The following PLA2G7 variants were observed in gnomAD, a reference collection of about 807,000 sequenced individuals.
PLA2G7 encodes the protein platelet-activating factor acetylhydrolase.
In PLA2G7, 63 loss-of-function variants were observed where a neutral mutation model predicts 49.6. That is an observed-to-expected ratio of 1.27 (90% CI 1.04 to 1.57). The LOEUF is 1.57. PLA2G7 is among the 40% of genes most tolerant of loss of function. The pLI is 0.00. For synonymous variants in PLA2G7, 193 were observed against 169.9 expected (o/e 1.14, Z -1.06); for missense variants, 596 against 521.2 (o/e 1.14, Z -1.40).
chr6:46,711,353 G>T, intron 7 of PLA2G7, 143 bp downstream of exon 7: 1 of 942,198 alleles, frequency 1.1e-6, no homozygotes, highest in Non-Finnish European at 1.7e-6. Flanking sequence ...TACTGCTCCA[G>T]GAATCTATTG....
intron 3 of PLA2G7, 28 bp from the exon 4 acceptor site, chr6:46,716,556 T>C (rs1214408351): frequency 5.0e-6 from 8 of 1,610,940 alleles, no homozygotes; most frequent in Non-Finnish European, 6.8e-6. Flanking sequence ...AATGCACTTT[T>C]AGAGAAGTTG....
chr6:46,726,541 G>A (rs568711388), intron 1 of PLA2G7, among the ~76,000 whole-genome samples: 54 of 152,220 alleles, frequency 3.5e-4, no homozygotes, highest in South Asian at 1.5e-3. Flanking sequence ...CTTAGAACTA[G>A]AGAATCCAAC....
At chr6:46,723,586 T>C (rs1765473161) in intron 1 of PLA2G7, among the ~76,000 whole-genome samples, 1 of 152,228 alleles carries the variant, frequency 6.6e-6, no homozygotes, top group Non-Finnish European at 1.5e-5. Flanking sequence ...AATTAGTCTG[T>C]ATGCTAACAT....
intron 9 of PLA2G7, 73 bp from the exon 10 acceptor site, chr6:46,708,234 T>A: frequency 8.7e-7 from 1 of 1,153,008 alleles, no homozygotes; most frequent in Non-Finnish European, 1.3e-6. Flanking sequence ...ATCCTAATAA[T>A]GCTAGGATTG....
At chr6:46,706,041 C>T (rs976293108) in intron 10 of PLA2G7, among the ~76,000 whole-genome samples, 2 of 152,200 alleles carry the variant, frequency 1.3e-5, no homozygotes, top group Non-Finnish European at 2.9e-5. Context: ...TACTGGCAGA[C>T]CAACTCTTTT....
chr6:46,709,354 T>C lies in PLA2G7; in HGVS notation c.842A>G (p.Gln281Arg), dbSNP rs201256712. The stretch of plus-strand genomic sequence containing the variant: ...GAATCTCTGATCTTCACTAAGAGTC[T>C]GAATAACCGTTGCTCCACCAAAAGA... ...GHSFGGATVI[Q>R]TLSEDQRFRC... The change falls in exon 9 of 12, where the codon CAG becomes CGG. Residue 281 changes from glutamine to arginine, a missense_variant. Transcript: ENST00000274793. 148 of 1,603,760 alleles carry C rather than the reference T, an allele frequency of 9.2e-5. No homozygotes were observed. The East Asian group carries it at 3.3e-3, about 35-fold the overall frequency.
At chr6:46,722,502 G>A (rs1197788816) in intron 2 of PLA2G7, among the ~76,000 whole-genome samples, 1 of 152,116 alleles carries the variant, frequency 6.6e-6, no homozygotes, top group Non-Finnish European at 1.5e-5. Flanking sequence ...GCATTAAGGA[G>A]GTTCTCCGTG....
chr6:46,713,146 C>T (rs55803739), intron 5 of PLA2G7, among the ~76,000 whole-genome samples: 5 of 152,196 alleles, frequency 3.3e-5, no homozygotes, highest in African/African-American at 1.2e-4. Context: ...AAATCATGTG[C>T]TAAGCACTGC....
chr6:46,720,076 T>C (rs1477784715), intron 2 of PLA2G7, among the ~76,000 whole-genome samples: 11 of 152,222 alleles, frequency 7.2e-5, no homozygotes, highest in South Asian at 2.1e-4. Flanking sequence ...GGACACCTGC[T>C]TCTTCTTCTG....
intron 1 of PLA2G7, among the ~76,000 whole-genome samples, chr6:46,734,457 A>ACG (rs1765843395): frequency 8.0e-6 from 1 of 124,732 alleles, no homozygotes; most frequent in Non-Finnish European, 1.6e-5. Context: ...AGAGAGAGAG[A>ACG]GAGAGAGAGA....
At chr6:46,704,972 A>G (rs551799597) in intron 11 of PLA2G7, among the ~76,000 whole-genome samples, 181 bp downstream of exon 11, 1 of 152,276 alleles carries the variant, frequency 6.6e-6, no homozygotes, top group Admixed American at 6.5e-5. Context: ...GCTTTCTATG[A>G]TATAGAGGAT....
chr6:46,721,755 A>G (rs537415749), intron 2 of PLA2G7, among the ~76,000 whole-genome samples: 2 of 151,866 alleles, frequency 1.3e-5, no homozygotes, highest in Non-Finnish European at 2.9e-5. Flanking sequence ...TCTATTTCCT[A>G]TGCAAATGTA....
chr6:46,722,721 G>A (rs1019053228), intron 2 of PLA2G7, 62 bp downstream of exon 2: 11 of 969,354 alleles, frequency 1.1e-5, no homozygotes, highest in Non-Finnish European at 1.8e-5. Flanking sequence ...AACTTCTTGG[G>A]GCCCACTTGA....
intron 5 of PLA2G7, 122 bp downstream of exon 5, chr6:46,714,338 G>A (rs1243155987): frequency 1.4e-5 from 11 of 770,434 alleles, no homozygotes; most frequent in South Asian, 1.4e-4. Context: ...CAATTATTGA[G>A]GAAACCCAAC....
chr6:46,704,722 CAT>C (rs1764745799), intron 11 of PLA2G7, 26 bp from the exon 12 acceptor site: 1 of 1,303,568 alleles, frequency 7.7e-7, no homozygotes, highest in South Asian at 1.2e-5. Context: ...TGTTAATCAA[CAT>C]ATTAAACTTT....
intron 1 of PLA2G7, among the ~76,000 whole-genome samples, chr6:46,723,286 G>A (rs1325948087): frequency 6.6e-6 from 1 of 152,006 alleles, no homozygotes; most frequent in Non-Finnish European, 1.5e-5. Flanking sequence ...AATATCCATA[G>A]GTATGTCTAG....
intron 1 of PLA2G7, among the ~76,000 whole-genome samples, chr6:46,734,449 A>ACG (rs1765840502): frequency 1.1e-5 from 1 of 90,380 alleles, no homozygotes; most frequent in Non-Finnish European, 2.1e-5. Flanking sequence ...AGAGAGAGAG[A>ACG]GAGAGAGAGA....
At chr6:46,726,913 A>G (rs575342488) in intron 1 of PLA2G7, among the ~76,000 whole-genome samples, 1 of 152,210 alleles carries the variant, frequency 6.6e-6, no homozygotes, top group Middle Eastern at 3.4e-3. Flanking sequence ...AAGTGCTGGG[A>G]TTACAGGCAT....
intron 8 of PLA2G7, 91 bp downstream of exon 8, chr6:46,710,454 C>T: frequency 1.2e-6 from 1 of 830,480 alleles, no homozygotes; most frequent in Middle Eastern, 2.3e-4. Context: ...AGCCCTTTAT[C>T]ATATTGTACC....
Sources: allele counts gnomAD v4.1 joint callset (sites outside exome capture counted in the v4.1 genomes callset), GRCh38; gene constraint gnomAD v4.1.1; transcripts MANE v1.5; gene names NCBI Gene and HGNC (gene_info 2026-07-23, HGNC 2026-07-21).